The following MYT1 variants were observed in gnomAD, a reference collection of about 807,000 sequenced individuals.
MYT1 encodes myelin transcription factor I.
In MYT1, 23 loss-of-function variants were observed where a neutral mutation model predicts 123.0. That is an observed-to-expected ratio of 0.19 (90% CI 0.13 to 0.26). The LOEUF (loss-of-function observed/expected upper bound fraction) is 0.26. Among genes scored for constraint, MYT1 ranks in the 10% least tolerant of loss-of-function variants. The pLI, the probability that MYT1 is intolerant of heterozygous loss-of-function variation, is 1.00. For missense variants in MYT1, 1,125 were observed against 1,472.5 expected, an observed-to-expected ratio of 0.76 and a Z score of 3.86; for synonymous variants, 518 against 575.3, an observed-to-expected ratio of 0.90 and a Z score of 1.43.
At position 64,213,633 on chromosome 20, in the gene MYT1, C is replaced by T. The variant is rs747289192; in HGVS notation, c.1617C>T (p.Ser539=). 2.3e-5 allele frequency: 37 copies of T among 1,613,786 alleles called. No individual in the cohort carries two copies. The highest frequency in any genetic ancestry group is 4.5e-5 in the East Asian group (2 of 44,894). Residue 539 remains serine (S), a synonymous_variant, in exon 10 of 23, where the codon TCC becomes TCT. Coordinates refer to ENST00000328439, the MANE Select transcript of MYT1 (RefSeq NM_004535.3). The surrounding 1 kb of genome is among the most constrained non-coding windows in gnomAD (Gnocchi z 5.6). ...ATCCTTCCAAGAGTAGCTCCAATTC[C>T]GATCGGATCCTCAGGTGAGTGAGAT... The part of the protein sequence containing the change: ...TGDPSKSSSN[S]DRILRPMCFV...
rs936776144 is a variant in MYT1, at chr20:64,212,034, CT to C, written c.1427-13del. ...TGACAGCCTCGGCTCCCTCCACCCC[CT>C]GTTCTCTTACAGTCTTAGCCATGCA... On this transcript the variant is annotated splice_polypyrimidine_tract_variant and intron_variant, in intron 8 of 22. Transcript: ENST00000328439. This position sits in a 1 kb window ranked among gnomAD's most constrained non-coding sequence, Gnocchi z 6.8. The C allele has an allele frequency of 1.2e-6, 2 of 1,609,956 alleles. No individual in the cohort carries two copies. Among genetic ancestry groups the C allele is most frequent in the Non-Finnish European group, 1.7e-6 (2 of 1,176,690 alleles).
At position 64,235,834 on chromosome 20, in the gene MYT1, G is replaced by A. The variant is rs1292358795; in HGVS notation, c.2898-721G>A. Among the ~76,000 whole-genome samples the A allele has an allele frequency of 2.2e-3, 196 of 90,872 alleles. 6 individuals carry two copies. Among genetic ancestry groups the A allele is most frequent in the Middle Eastern group, 9.6e-3 (1 of 104 alleles). The allele number at this position is 90,872 out of a possible 152,430, so 59.6% of individuals were successfully genotyped here. ...TGTGGTGGGTGACACTGGGCTGGCT[G>A]TGGTGGGTGACCCTGGGCTGGCCGT... On this transcript the variant is annotated intron_variant, in intron 19 of 22. Transcript: ENST00000328439.
chr20:64,170,880 TATATAGAGAGAGAGAGAGAGAGAGAG>T (rs1351655836), intron 1 of MYT1, among the ~76,000 whole-genome samples: 3 of 49,164 alleles, frequency 6.1e-5, no homozygotes, highest in Non-Finnish European at 1.0e-4. Context: ...TATATATATA[TATATAGAGAGAGAGAGAGAGAGAGAG>T]AGAGAGAGAG....
At chr20:64,223,051 T>C (rs1984057126) in intron 14 of MYT1, 60 bp from the exon 15 acceptor site, 1 of 1,600,738 alleles carries the variant, frequency 6.2e-7, no homozygotes. Context: ...CAGAGCAGGC[T>C]CAGCCTGGGG....
Position 64,195,401 on chromosome 20 carries a change from C to CTTTTTTTTT in MYT1, c.1-3457_1-3449dup, listed in dbSNP as rs397753483. On this transcript the variant is annotated intron_variant, in intron 2 of 22. Coordinates refer to ENST00000328439, the MANE Select transcript of MYT1 (RefSeq NM_004535.3). ...GTGTGTGTGTGTGTGTGTGTGTATACTTTTTTTTTTTTGAGACGGAGTCTC... is the reference window on the plus strand; with the variant it reads ...GTGTGTGTGTGTGTGTGTGTGTATACTTTTTTTTTTTTTTTTTTTTTGAGACGGAGTCTC... 1.6e-4 allele frequency among the ~76,000 whole-genome samples: 17 copies of CTTTTTTTTT among 104,012 alleles called. 3 individuals carry two copies. The highest frequency in any genetic ancestry group is 3.2e-4 in the South Asian group (1 of 3,164). The allele number at this position is 104,012 out of a possible 152,430, so 68.2% of individuals were successfully genotyped here.
intron 1 of MYT1, among the ~76,000 whole-genome samples, chr20:64,179,889 C>A (rs377367948): frequency 6.6e-6 from 1 of 150,996 alleles, no homozygotes; most frequent in African/African-American, 2.4e-5. Flanking sequence ...GTTACACACA[C>A]GCTACACAGT....
chr20:64,239,658 G>C (rs1984654161), intron 21 of MYT1, 102 bp from the exon 22 acceptor site: 1 of 1,534,298 alleles, frequency 6.5e-7, no homozygotes, highest in Non-Finnish European at 8.8e-7. Flanking sequence ...CCACCCCAGG[G>C]TTCTGCATTC....
intron 1 of MYT1, among the ~76,000 whole-genome samples, chr20:64,173,314 G>A (rs1418240709): frequency 3.3e-5 from 5 of 152,144 alleles, no homozygotes; most frequent in Non-Finnish European, 5.9e-5. Context: ...ACAGACAGAG[G>A]TGGGCTGTTG....
intron 1 of MYT1, among the ~76,000 whole-genome samples, chr20:64,169,787 C>G (rs575743): frequency 0.85 from 128,854 of 152,236 alleles, 54,682 homozygotes; most frequent in East Asian, 0.97. Context: ...TCGTAAGGGG[C>G]AGAGAAACAC....
intron 19 of MYT1, among the ~76,000 whole-genome samples, chr20:64,235,651 G>T (rs1984498965): frequency 6.8e-6 from 1 of 146,620 alleles, no homozygotes; most frequent in East Asian, 2.1e-4. Flanking sequence ...CGTGGTGGGT[G>T]ACCCTGGGAT....
In MYT1 at chr20:64,240,348, C is replaced by G. The variant is rs1422449018; in HGVS notation, c.3266C>G (p.Ala1089Gly). The G allele has an allele frequency of 1.2e-5, 20 of 1,613,930 alleles. No individual in the cohort carries two copies. The highest frequency in any genetic ancestry group is 1.6e-5 in the Non-Finnish European group (19 of 1,180,016). ...MEPICEQNFDAYVSTLTDMYS... is the reference protein window; with the variant it reads ...MEPICEQNFDGYVSTLTDMYS... ...CCAATATGCGAACAGAATTTCGATG[C>G]CTATGTGAGCACCCTCACCGACATG... The change falls in exon 23 of 23, where the codon GCC (alanine) becomes GGC (glycine). Residue 1089 changes from alanine to glycine, a missense_variant. Coordinates refer to ENST00000328439, the MANE Select transcript of MYT1 (RefSeq NM_004535.3).
rs1982089729 is a variant in MYT1 at position 64,218,655 on chromosome 20, G to A, written c.1847-256G>A. 6.6e-6 allele frequency among the ~76,000 whole-genome samples: 1 copy of A among 152,182 alleles called. No homozygotes were observed. The highest frequency in any genetic ancestry group is 2.1e-4 in the South Asian group (1 of 4,834). On this transcript the variant is annotated intron_variant, in intron 11 of 22. Transcript: ENST00000328439. The surrounding 1 kb of genome is among the most constrained non-coding windows in gnomAD (Gnocchi z 4.0). The stretch of plus-strand genomic sequence containing the variant: ...GTCCCCTAGAGGAGGGTGGGTGGGA[G>A]TGAGGTGTGTGAGGACTTGGGACTG...
At position 64,205,105 on chromosome 20, in the gene MYT1, G is replaced by T. The variant is rs771803442; in HGVS notation, c.149+8G>T. 45 of 1,613,862 alleles carry T rather than the reference G, an allele frequency of 2.8e-5. No individual in the cohort carries two copies. In the East Asian group the frequency reaches 9.6e-4, roughly 34 times the overall value. Reference sequence around the variant, plus strand: ...GTACTCCAGGCACCGAAGGTAAGAGGACCCTTGGATCTCACGGAGATTCCT... The same window carrying T: ...GTACTCCAGGCACCGAAGGTAAGAGTACCCTTGGATCTCACGGAGATTCCT... On this transcript the variant is annotated splice_region_variant and intron_variant, in intron 5 of 22. Transcript: ENST00000328439.
At position 64,189,779 on chromosome 20, in the gene MYT1, G is replaced by C. The variant is rs1982913190; in HGVS notation, c.-98-284G>C. On this transcript the variant is annotated intron_variant, in intron 1 of 22. Coordinates refer to ENST00000328439, the MANE Select transcript of MYT1 (RefSeq NM_004535.3). The surrounding 1 kb of genome is among the most constrained non-coding windows in gnomAD (Gnocchi z 5.5). ...GCTGCCTTGTCCCAGCACTCTGCTG[G>C]CCGTGGTTGTCAGTGGGAACCAACA... is the stretch of plus-strand genomic sequence containing the variant. Among the ~76,000 whole-genome samples the C allele has an allele frequency of 6.6e-6, 1 of 152,170 alleles. No individual in the cohort carries two copies. Among genetic ancestry groups the C allele is most frequent in the Admixed American group, 6.5e-5 (1 of 15,284 alleles).
rs780216885 is a variant in MYT1 at position 64,232,212 on chromosome 20, C to T, written c.2724C>T (p.Tyr908=). The T allele has an allele frequency of 2.9e-5, 46 of 1,612,346 alleles. No homozygotes were observed. The Middle Eastern group carries it at 6.6e-4, about 23-fold the overall frequency. The change falls in exon 19 of 23, where the codon TAC becomes TAT. Residue 908 remains tyrosine, a synonymous_variant. Coordinates refer to ENST00000328439, the MANE Select transcript of MYT1 (RefSeq NM_004535.3). The surrounding 1 kb of genome is among the most constrained non-coding windows in gnomAD (Gnocchi z 6.9). ...GGCTCGGTCACATCAGCGGGAAATA[C>T]GCCTCTCACAGGAGCGCATCCGGCT... The part of the protein sequence containing the change: ...CVGLGHISGK[Y]ASHRSASGCP...
chr20:64,167,911 C>T lies in MYT1; in HGVS notation c.-99+3172C>T, dbSNP rs978943958. ...TCATTAGATTAGTCAGACCGAGAAACGCCGTGTTTCCCAGAAGGGAAGAGA... is the reference window on the plus strand; with the variant it reads ...TCATTAGATTAGTCAGACCGAGAAATGCCGTGTTTCCCAGAAGGGAAGAGA... On this transcript the variant is annotated intron_variant, in intron 1 of 22. Coordinates refer to ENST00000328439, the MANE Select transcript of MYT1 (RefSeq NM_004535.3). This position sits in a 1 kb window ranked among gnomAD's most constrained non-coding sequence, Gnocchi z 6.3. 2.0e-5 allele frequency among the ~76,000 whole-genome samples: 3 copies of T among 152,352 alleles called. No homozygotes were observed. Among genetic ancestry groups the T allele is most frequent in the South Asian group, 2.1e-4 (1 of 4,830 alleles).
chr20:64,168,622 A>G lies in MYT1; in HGVS notation c.-99+3883A>G, dbSNP rs1982152656. ...CCTGCAGCACCGGAAGCCTCCACTC[A>G]GCAGCCCCAACCTTCAAGAGAGTGA... is the stretch of plus-strand genomic sequence containing the variant. On this transcript the variant is annotated intron_variant, in intron 1 of 22. Coordinates refer to ENST00000328439, the MANE Select transcript of MYT1 (RefSeq NM_004535.3). The surrounding 1 kb of genome is among the most constrained non-coding windows in gnomAD (Gnocchi z 6.1). Among the ~76,000 whole-genome samples, 1 of 152,178 alleles carries G rather than the reference A, an allele frequency of 6.6e-6. No homozygotes were observed. The highest frequency in any genetic ancestry group is 6.5e-5 in the Admixed American group (1 of 15,278).
intron 2 of MYT1, among the ~76,000 whole-genome samples, chr20:64,195,782 A>C (rs188333147): frequency 1.3e-5 from 2 of 152,280 alleles, no homozygotes; most frequent in East Asian, 3.9e-4. Context: ...GCAAAAACAC[A>C]CTTTTGAGGA....
At chr20:64,205,923 G>T in intron 6 of MYT1, 123 bp downstream of exon 6, 1 of 1,457,652 alleles carries the variant, frequency 6.9e-7, no homozygotes, top group African/African-American at 1.4e-5. Flanking sequence ...AACAAGGCAT[G>T]TCTTGTCCCA....
Sources: gnomAD v4.1 joint callset for allele counts (sites outside exome capture counted in the v4.1 genomes callset) on GRCh38, gnomAD v4.1.1 for gene constraint, Gnocchi (gnomAD v3.1) non-coding constraint, MANE v1.5 for transcripts, NCBI Gene and HGNC (gene_info 2026-07-23, HGNC 2026-07-21) for gene names.